The following PCGF2 variants were observed in gnomAD, a reference collection of about 807,000 sequenced individuals.
PCGF2 encodes polycomb group RING finger protein 2.
PCGF2 carries 8 observed loss-of-function variants against 36.1 expected under a neutral mutation model. That is an observed-to-expected ratio of 0.22 (90% CI 0.13 to 0.40). The LOEUF is 0.40. Among genes scored for constraint, PCGF2 ranks in the 10% least tolerant of loss-of-function variants. The probability of loss-of-function intolerance (pLI) is 1.00; values close to 1 mark genes in which losing one functional copy is unlikely to be tolerated. For missense variants in PCGF2, 436 were observed against 475.9 expected (o/e 0.92, Z 0.78); for synonymous variants, 198 against 191.2 (o/e 1.04, Z -0.29).
At chr17:38,749,559 G>T (rs1192851165), upstream of PCGF2, 1 of 441,244 alleles carries the variant, frequency 2.3e-6, no homozygotes, top group African/African-American at 2.0e-5. This position sits in a 1 kb window ranked among gnomAD's most constrained non-coding sequence, Gnocchi z 6.5. Flanking sequence ...TGGCGGCCGC[G>T]TCTGTCCCTC....
chr17:38,736,031 C>T (rs1181870424), intron 10 of PCGF2, 59 bp downstream of exon 10: 3 of 1,175,898 alleles, frequency 2.6e-6, no homozygotes, highest in Non-Finnish European at 3.7e-6. Context: ...CATGTGGCCA[C>T]AGACCTATGC....
At chr17:38,744,653 G>A (rs1367422476) in intron 2 of PCGF2, among the ~76,000 whole-genome samples, 1 of 151,720 alleles carries the variant, frequency 6.6e-6, no homozygotes, top group Non-Finnish European at 1.5e-5. Context: ...ACCACACCCA[G>A]ACCCATCTCT....
rs1049201053 is a variant in PCGF2 at position 38,739,983 on chromosome 17, AC to A, written c.113-302del. On this transcript the variant is annotated intron_variant, in intron 3 of 10. Coordinates refer to ENST00000620225, the MANE Select transcript of PCGF2 (RefSeq NM_007144.3). The surrounding 1 kb of genome is among the most constrained non-coding windows in gnomAD (Gnocchi z 4.0). ...CGTGTTCAAGATGCCTCTGAGTCCC[AC>A]CCCCCTGCTGCCAAGCCCACAGTGC... 1.1e-4 allele frequency among the ~76,000 whole-genome samples: 17 copies of A among 151,456 alleles called. No homozygotes were observed. The highest frequency in any genetic ancestry group is 3.4e-4 in the African/African-American group (14 of 41,240).
chr17:38,740,145 T>A (rs1424466423), intron 3 of PCGF2, 146 bp downstream of exon 3: 1 of 691,328 alleles, frequency 1.4e-6, no homozygotes, highest in Non-Finnish European at 2.5e-6. Context: ...AGGTAGGCCC[T>A]CTGTGACCTA....
chr17:38,735,554 C>A lies in PCGF2; in HGVS notation c.704G>T (p.Arg235Leu), dbSNP rs535420083. Residue 235 changes from arginine (R) to leucine (L), a missense_variant, in exon 11 of 11, where the codon CGG (arginine) becomes CTG (leucine). Arg to Leu is a moderately radical substitution (Grantham distance 102, BLOSUM62 -2). This residue lies in a region of PCGF2 where 227 missense variants were observed against 212.9 expected (regional missense o/e 1.07). Coordinates refer to ENST00000620225, the MANE Select transcript of PCGF2 (RefSeq NM_007144.3). ...GGTGGGCACCGTGGCTAGGGTGAGC[C>A]GCTTGCAGGCTGGCTGGACACGGTA... ...LKYRVQPACK[R>L]LTLATVPTPS... The A allele has an allele frequency of 5.0e-6, 8 of 1,584,578 alleles. No homozygotes were observed. The highest frequency in any genetic ancestry group is 1.1e-5 in the South Asian group (1 of 87,112).
At chr17:38,743,338 G>A (rs891143955) in intron 2 of PCGF2, among the ~76,000 whole-genome samples, 5 of 149,720 alleles carry the variant, frequency 3.3e-5, no homozygotes, top group South Asian at 2.1e-4. Context: ...TGATCTGCCC[G>A]CCTCCACCTC....
At position 38,735,525 on chromosome 17, in the gene PCGF2, AG is replaced by A; in HGVS notation, c.732del (p.Ser245ProfsTer74). 6.3e-7 allele frequency: 1 copy of A among 1,587,556 alleles called. No individual in the cohort carries two copies. ...KRLTLATVPTPSEGTNTSGAS... is the reference protein window; with the variant it reads ...KRLTLATVPTXSEGTNTSGAS... ...GCCCCGCTGGTGTTGGTGCCCTCGG[AG>A]GGGGTGGGCACCGTGGCTAGGGTGA... On this transcript the variant is annotated frameshift_variant, in exon 11 of 11. Transcript: ENST00000620225. LOFTEE classifies it high-confidence loss of function.
chr17:38,735,248 C>T lies in PCGF2; in HGVS notation c.1010G>A (p.Gly337Asp). The T allele has an allele frequency of 6.9e-7, 1 of 1,453,786 alleles. No individual in the cohort carries two copies. The highest frequency in any genetic ancestry group is 9.2e-7 in the Non-Finnish European group (1 of 1,092,418). The allele number at this position is 1,453,786 out of a possible 1,614,324, so 90.1% of individuals were successfully genotyped here. A position where few individuals can be genotyped will look rare whatever the true frequency, so the allele number is the denominator to read the frequency against. Residue 337 changes from glycine to aspartate, a missense_variant, in exon 11 of 11, where the codon GGC becomes GAC. This residue lies in a region of PCGF2 where 227 missense variants were observed against 212.9 expected (regional missense o/e 1.07). Transcript: ENST00000620225. The stretch of plus-strand genomic sequence containing the variant: ...TCAAGTTAAGGGGGGCACGGGAGCG[C>T]CGTTGACAGTCATCTTGCGCCCCCT... ...TSRGRKMTVN[G>D]APVPPLT
chr17:38,744,271 T>C (rs565375860), intron 2 of PCGF2, among the ~76,000 whole-genome samples: 418 of 152,280 alleles, frequency 2.7e-3, no homozygotes, highest in Non-Finnish European at 4.9e-3. Context: ...CCCCGACCCC[T>C]CTTTGCCATT....
At chr17:38,745,389 C>A (rs903921060) in intron 2 of PCGF2, among the ~76,000 whole-genome samples, 7 of 152,088 alleles carry the variant, frequency 4.6e-5, no homozygotes, top group African/African-American at 1.4e-4. Context: ...GCCTGTAATC[C>A]CAGCTACTCA....
intron 2 of PCGF2, among the ~76,000 whole-genome samples, chr17:38,747,621 A>G (rs1404766357): frequency 6.6e-6 from 1 of 151,718 alleles, no homozygotes; most frequent in Non-Finnish European, 1.5e-5. Context: ...GAGGTGCCCG[A>G]GAGGACCCGG....
At chr17:38,744,874 G>A (rs1448382347) in intron 2 of PCGF2, among the ~76,000 whole-genome samples, 1 of 152,158 alleles carries the variant, frequency 6.6e-6, no homozygotes, top group Non-Finnish European at 1.5e-5. Context: ...GTCACTCAAG[G>A]TCACATCCAG....
chr17:38,743,940 C>T (rs894267663), intron 2 of PCGF2, among the ~76,000 whole-genome samples: 12 of 152,052 alleles, frequency 7.9e-5, no homozygotes, highest in African/African-American at 2.7e-4. Flanking sequence ...GGGAAGAACT[C>T]GAGGGAGAAA....
chr17:38,736,291 T>C (rs1451568386), intron 9 of PCGF2, 121 bp from the exon 10 acceptor site: 2 of 687,950 alleles, frequency 2.9e-6, no homozygotes, highest in Non-Finnish European at 5.3e-6. Context: ...CCCTTATTTC[T>C]CTGGGATTTC....
intron 9 of PCGF2, 91 bp downstream of exon 9, chr17:38,738,262 C>T (rs981601501): frequency 8.9e-7 from 1 of 1,118,180 alleles, no homozygotes; most frequent in South Asian, 1.3e-5. Context: ...CTGGGTGACA[C>T]CTAGCCAGCT....
chr17:38,738,481 C>T, intron 8 of PCGF2, 33 bp from the exon 9 acceptor site: 1 of 1,612,628 alleles, frequency 6.2e-7, no homozygotes, highest in South Asian at 1.1e-5. Flanking sequence ...GGTAGGGGAT[C>T]CACCCCAGGC....
Position 38,734,972 on chromosome 17 carries a change from T to A in PCGF2, c.*251A>T. 1 of 318,602 alleles carries A rather than the reference T, an allele frequency of 3.1e-6. No homozygotes were observed. Among genetic ancestry groups the A allele is most frequent in the Non-Finnish European group, 5.6e-6 (1 of 177,700 alleles). The allele number at this position is 318,602 out of a possible 1,614,324, so 19.7% of individuals were successfully genotyped here. A position where few individuals can be genotyped will look rare whatever the true frequency, so the allele number is the denominator to read the frequency against. Reference sequence around the variant, plus strand: ...CCCCCCCCAAAAAAAATGAACACCATTTTCCACACATACACACACACATAA... The same window carrying A: ...CCCCCCCCAAAAAAAATGAACACCAATTTCCACACATACACACACACATAA... On this transcript the variant is annotated 3_prime_UTR_variant, in exon 11 of 11. Transcript: ENST00000620225.
Position 38,735,122 on chromosome 17 carries a change from G to A in PCGF2, c.*101C>T. 3 of 946,246 alleles carry A rather than the reference G, an allele frequency of 3.2e-6. No homozygotes were observed. Among genetic ancestry groups the A allele is most frequent in the Non-Finnish European group, 4.3e-6 (3 of 702,008 alleles). The allele number at this position is 946,246 out of a possible 1,614,324, so 58.6% of individuals were successfully genotyped here. A position where few individuals can be genotyped will look rare whatever the true frequency, so the allele number is the denominator to read the frequency against. ...ATAAAACCCGCCCCCCACCCCCAAG[G>A]TGGGAAGAGCTGGGGAAAGTAGAAG... On this transcript the variant is annotated 3_prime_UTR_variant, in exon 11 of 11. Coordinates refer to ENST00000620225, the MANE Select transcript of PCGF2 (RefSeq NM_007144.3).
chr17:38,737,179 C>T (rs889998799), intron 9 of PCGF2, among the ~76,000 whole-genome samples: 7 of 150,856 alleles, frequency 4.6e-5, no homozygotes, highest in Admixed American at 2.0e-4. Flanking sequence ...CCACCAATGC[C>T]TGGCTAGGTG....
Sources: allele counts gnomAD v4.1 joint callset (sites outside exome capture counted in the v4.1 genomes callset), GRCh38; gene constraint gnomAD v4.1.1; regional missense constraint gnomAD v4.1.1; non-coding constraint Gnocchi (gnomAD v3.1); transcripts MANE v1.5; gene names NCBI Gene and HGNC (gene_info 2026-07-23, HGNC 2026-07-21).